Variants in PHF21A observed in about 807,000 individuals in gnomAD.
PHF21A encodes the protein PHD finger protein 21A, also known as BHC80a.
PHF21A carries 11 observed loss-of-function variants against 82.5 expected under a neutral mutation model. That is an observed-to-expected ratio of 0.13 (90% CI 0.08 to 0.22). The LOEUF is 0.22. Among genes scored for constraint, PHF21A ranks in the 10% least tolerant of loss-of-function variants. The pLI is 1.00. For synonymous variants in PHF21A, 297 were observed against 302.8 expected, an observed-to-expected ratio of 0.98 and a Z score of 0.20; for missense variants, 579 against 837.8, an observed-to-expected ratio of 0.69 and a Z score of 3.81.
intron 9 of PHF21A, among the ~76,000 whole-genome samples, chr11:45,967,258 C>T (rs1221675986): frequency 6.6e-6 from 1 of 151,802 alleles, no homozygotes; most frequent in Non-Finnish European, 1.5e-5. Flanking sequence ...ATCCCAGCTA[C>T]TTGAGAGGCT....
At chr11:45,964,610 CT>C (rs946300519) in intron 10 of PHF21A, among the ~76,000 whole-genome samples, 1 of 152,192 alleles carries the variant, frequency 6.6e-6, no homozygotes, top group Non-Finnish European at 1.5e-5. Context: ...CCAAATTCTT[CT>C]TTCTCATCAC....
intron 6 of PHF21A, 143 bp downstream of exon 6, chr11:46,076,611 G>T: frequency 1.6e-6 from 1 of 629,324 alleles, no homozygotes. Flanking sequence ...GATAAACAGA[G>T]CTCAAACAAA....
At chr11:46,038,773 A>G (rs1469372306) in intron 6 of PHF21A, among the ~76,000 whole-genome samples, 1 of 152,122 alleles carries the variant, frequency 6.6e-6, no homozygotes, top group Non-Finnish European at 1.5e-5. Flanking sequence ...TAAAACCACT[A>G]GTTCCACTCC....
chr11:46,116,197 A>C (rs545454991), intron 1 of PHF21A, among the ~76,000 whole-genome samples: 1 of 152,232 alleles, frequency 6.6e-6, no homozygotes, highest in Non-Finnish European at 1.5e-5. Flanking sequence ...TTACACAAAA[A>C]TATTTCAGTG....
intron 6 of PHF21A, among the ~76,000 whole-genome samples, chr11:46,004,347 T>G (rs901101068): frequency 6.6e-6 from 1 of 152,144 alleles, no homozygotes; most frequent in African/African-American, 2.4e-5. Flanking sequence ...GTGAATCAAT[T>G]TGAGATGTCT....
chr11:46,048,256 T>C (rs2096286315), intron 6 of PHF21A, among the ~76,000 whole-genome samples: 1 of 152,210 alleles, frequency 6.6e-6, no homozygotes, highest in Non-Finnish European at 1.5e-5. Context: ...AATCATACAG[T>C]ATAAGGCCTT....
chr11:45,965,632 T>C (rs760687723), intron 9 of PHF21A, 24 bp from the exon 10 acceptor site: 3 of 1,506,060 alleles, frequency 2.0e-6, no homozygotes, highest in African/African-American at 1.4e-5. Flanking sequence ...AGAGAATAAT[T>C]ATTGTATTAC....
intron 15 of PHF21A, among the ~76,000 whole-genome samples, chr11:45,939,563 A>C (rs4756044): frequency 0.3 from 45,147 of 151,836 alleles, 7,471 homozygotes; most frequent in East Asian, 0.76. Context: ...TCAATGGGCC[A>C]TTCTATTCTG....
rs145509780 is a variant in PHF21A, at chr11:46,074,393, A to C, written c.153+2361T>G. Among the ~76,000 whole-genome samples the C allele has an allele frequency of 2.9e-4, 44 of 151,234 alleles. 1 individual carries two copies. In the East Asian group the frequency reaches 6.6e-3, roughly 23 times the overall value. ...CAGTCATACGGATAAGGTAATTCAG[A>C]TTTTAGTTATTAAAGTGGAAGGAAA... is the stretch of plus-strand genomic sequence containing the variant. On this transcript the variant is annotated intron_variant, in intron 6 of 18. Coordinates refer to ENST00000676320, the MANE Select transcript of PHF21A (RefSeq NM_001352027.3).
rs1273476175 is a variant in PHF21A, at chr11:46,079,116, T to C, written c.87+18A>G. On this transcript the variant is annotated intron_variant, in intron 5 of 18. Transcript: ENST00000676320. ...TTTTTAAATTTAACAATTAAATGAA[T>C]AACAATAGTAGTTTTACCTGTGGAT... The C allele has an allele frequency of 1.4e-6, 2 of 1,473,944 alleles. No individual in the cohort carries two copies. The highest frequency in any genetic ancestry group is 1.4e-5 in the African/African-American group (1 of 71,578). 91.3% of individuals were successfully genotyped at this position (1,473,944 alleles called of 1,614,324 possible). A position where few individuals can be genotyped will look rare whatever the true frequency, so the allele number is the denominator to read the frequency against.
chr11:45,943,284 G>A (rs1024250382), intron 15 of PHF21A, among the ~76,000 whole-genome samples: 1 of 151,772 alleles, frequency 6.6e-6, no homozygotes, highest in African/African-American at 2.4e-5. Context: ...CAGTATGCCC[G>A]GCTAATTTTT....
chr11:46,116,085 T>C (rs978355537), intron 1 of PHF21A, among the ~76,000 whole-genome samples: 2 of 152,196 alleles, frequency 1.3e-5, no homozygotes, highest in African/African-American at 4.8e-5. Flanking sequence ...AACACAGGGT[T>C]CCTAATTATC....
At chr11:46,035,658 C>T (rs1309911763) in intron 6 of PHF21A, among the ~76,000 whole-genome samples, 1 of 152,086 alleles carries the variant, frequency 6.6e-6, no homozygotes, top group Non-Finnish European at 1.5e-5. Flanking sequence ...TCAGAGAAGG[C>T]CTCTAGGAAG....
rs139437635 is a variant in PHF21A at position 45,965,351 on chromosome 11, T to C, written c.960A>G (p.Gln320=). ...GACTTGGCTTGCTAAGCTGTACAGT[T>C]TGAGGTCCAGCGAGTCTGGTCCCTG... ...ATPGTRLAGP[Q]TVQLSKPSLE... The change falls in exon 10 of 19, where the codon CAA becomes CAG. Residue 320 remains glutamine, a synonymous_variant. Transcript: ENST00000676320. The C allele has an allele frequency of 1.1e-4, 180 of 1,613,920 alleles. No individual in the cohort carries two copies. The African/African-American group carries it at 1.9e-3, about 17-fold the overall frequency.
At chr11:46,032,180 C>T (rs963929962) in intron 6 of PHF21A, among the ~76,000 whole-genome samples, 1 of 152,058 alleles carries the variant, frequency 6.6e-6, no homozygotes, top group African/African-American at 2.4e-5. Flanking sequence ...CAAAATGATG[C>T]TAATCTCACA....
intron 6 of PHF21A, among the ~76,000 whole-genome samples, chr11:46,056,240 T>C (rs564591836): frequency 6.6e-6 from 1 of 152,308 alleles, no homozygotes; most frequent in South Asian, 2.1e-4. Context: ...TTTCATTAAG[T>C]CTTTCTCAAG....
At chr11:45,940,893 G>A (rs1322738137) in intron 15 of PHF21A, among the ~76,000 whole-genome samples, 1 of 152,116 alleles carries the variant, frequency 6.6e-6, no homozygotes, top group Admixed American at 6.5e-5. Context: ...TTGCTCCTGA[G>A]CAAGGAGCAC....
At chr11:46,077,410 C>T (rs1157804529) in intron 5 of PHF21A, among the ~76,000 whole-genome samples, 1 of 152,188 alleles carries the variant, frequency 6.6e-6, no homozygotes, top group African/African-American at 2.4e-5. Context: ...AAAAAGAATA[C>T]TATTTTAGAT....
In PHF21A at chr11:45,933,897, C is replaced by G; in HGVS notation, c.*71G>C. On this transcript the variant is annotated 3_prime_UTR_variant, in exon 19 of 19. Transcript: ENST00000676320. ...TGCACTTTCCAGAAATCCGGCTTTG[C>G]TTTTCTAGAGTCTTCAGTGTTCTGT... The G allele has an allele frequency of 7.2e-7, 1 of 1,394,650 alleles. No individual in the cohort carries two copies. Among genetic ancestry groups the G allele is most frequent in the Non-Finnish European group, 9.6e-7 (1 of 1,046,392 alleles). The allele number at this position is 1,394,650 out of a possible 1,614,324, so 86.4% of individuals were successfully genotyped here. A position where few individuals can be genotyped will look rare whatever the true frequency, so the allele number is the denominator to read the frequency against.
Sources: allele counts gnomAD v4.1 joint callset (sites outside exome capture counted in the v4.1 genomes callset), GRCh38; gene constraint gnomAD v4.1.1; transcripts MANE v1.5; gene names NCBI Gene and HGNC (gene_info 2026-07-23, HGNC 2026-07-21).